BMPER: variants seen among roughly 807,000 people sequenced by gnomAD.
BMPER encodes the protein BMP-binding endothelial regulator protein.
In BMPER, 45 loss-of-function variants were observed where a neutral mutation model predicts 87.3. The ratio of observed to expected loss-of-function variants is 0.52; its 90% CI spans 0.41 to 0.66. The LOEUF (loss-of-function observed/expected upper bound fraction) is 0.66. BMPER is among the 30% of genes least tolerant of loss of function. BMPER has a pLI of 0.00. For synonymous variants in BMPER, 326 were observed against 316.2 expected (o/e 1.03, Z -0.33); for missense variants, 784 against 867.5 (o/e 0.90, Z 1.21).
chr7:34,100,513 C>T (rs923824281), intron 13 of BMPER, among the ~76,000 whole-genome samples: 2 of 152,210 alleles, frequency 1.3e-5, no homozygotes, highest in South Asian at 2.1e-4. Context: ...GCTGCCTGTG[C>T]ACCCATCCCA....
intron 14 of BMPER, among the ~76,000 whole-genome samples, chr7:34,144,466 A>G (rs73690173): frequency 0.097 from 14,493 of 149,916 alleles, 1,887 homozygotes; most frequent in African/African-American, 0.31. Flanking sequence ...AATAAATTGG[A>G]AGGGGACAAG....
intron 13 of BMPER, among the ~76,000 whole-genome samples, chr7:34,098,302 C>T (rs1246359149): frequency 2.6e-5 from 4 of 152,120 alleles, no homozygotes; most frequent in African/African-American, 9.7e-5. Context: ...TGCCCAAATT[C>T]TCTCCCACCA....
At chr7:34,080,512 C>G (rs1788983971) in intron 12 of BMPER, among the ~76,000 whole-genome samples, 1 of 152,308 alleles carries the variant, frequency 6.6e-6, no homozygotes, top group East Asian at 1.9e-4. Context: ...GAGAGATCTA[C>G]TCATTCAAGT....
intron 13 of BMPER, among the ~76,000 whole-genome samples, chr7:34,135,605 C>T (rs780396683): frequency 6.6e-6 from 1 of 152,164 alleles, no homozygotes; most frequent in Non-Finnish European, 1.5e-5. Flanking sequence ...GGGAGGTTGA[C>T]CACATGACTA....
chr7:34,051,379 C>A (rs1408581788), intron 7 of BMPER, among the ~76,000 whole-genome samples: 1 of 152,192 alleles, frequency 6.6e-6, no homozygotes, highest in Non-Finnish European at 1.5e-5. Context: ...CCACCTCCCC[C>A]ACTGCCCATA....
intron 9 of BMPER, among the ~76,000 whole-genome samples, chr7:34,057,383 GC>G (rs1788313415): frequency 6.6e-6 from 1 of 152,150 alleles, no homozygotes; most frequent in Admixed American, 6.5e-5. Flanking sequence ...TTCTGTCTGA[GC>G]AAGGATCTAG....
At chr7:33,957,145 T>C (rs1423984690) in intron 3 of BMPER, among the ~76,000 whole-genome samples, 1 of 151,998 alleles carries the variant, frequency 6.6e-6, no homozygotes, top group Non-Finnish European at 1.5e-5. Context: ...CTGTGATGAA[T>C]AAATGTTCAT....
At chr7:34,019,189 T>G (rs367668904) in intron 6 of BMPER, among the ~76,000 whole-genome samples, 2 of 152,162 alleles carry the variant, frequency 1.3e-5, no homozygotes, top group South Asian at 2.1e-4. Flanking sequence ...TTGGAGAAAC[T>G]GAAAGAGAAC....
intron 13 of BMPER, among the ~76,000 whole-genome samples, chr7:34,086,608 G>C (rs1789217993): frequency 6.6e-6 from 1 of 152,174 alleles, no homozygotes; most frequent in Non-Finnish European, 1.5e-5. Flanking sequence ...GAATTATTTG[G>C]ATCTTGGCCA....
intron 6 of BMPER, among the ~76,000 whole-genome samples, chr7:34,016,841 G>C (rs955175014): frequency 2.6e-5 from 4 of 151,870 alleles, no homozygotes; most frequent in Admixed American, 6.6e-5. Flanking sequence ...ACCATTTATT[G>C]TTTAATACAC....
intron 12 of BMPER, among the ~76,000 whole-genome samples, chr7:34,082,479 A>T (rs190002843): frequency 2.1e-4 from 32 of 152,228 alleles, no homozygotes; most frequent in African/African-American, 7.2e-4. Flanking sequence ...TCCCTTCACA[A>T]TGCAAAGCCT....
At chr7:34,014,205 T>G (rs1716860504) in intron 6 of BMPER, among the ~76,000 whole-genome samples, 1 of 151,944 alleles carries the variant, frequency 6.6e-6, no homozygotes, top group Non-Finnish European at 1.5e-5. Context: ...TGTGGGTTGC[T>G]GTTTTCTTCC....
At chr7:34,103,606 G>GA (rs1293922920) in intron 13 of BMPER, among the ~76,000 whole-genome samples, 1 of 152,178 alleles carries the variant, frequency 6.6e-6, no homozygotes, top group Non-Finnish European at 1.5e-5. Context: ...CCTTGAGGCA[G>GA]AGGGGGAAGG....
intron 6 of BMPER, among the ~76,000 whole-genome samples, chr7:34,040,142 A>C (rs1787797342): frequency 1.3e-5 from 2 of 152,128 alleles, no homozygotes; most frequent in South Asian, 4.1e-4. Context: ...TGGCTGGAGT[A>C]GAATGTTGAG....
intron 6 of BMPER, among the ~76,000 whole-genome samples, chr7:33,991,258 G>C (rs1786208018): frequency 6.6e-6 from 1 of 151,350 alleles, no homozygotes; most frequent in South Asian, 2.1e-4. Flanking sequence ...GACTCTTTTT[G>C]GTTGGTAAGC....
At chr7:33,910,051 G>A (rs1392184429) in intron 2 of BMPER, among the ~76,000 whole-genome samples, 1 of 152,188 alleles carries the variant, frequency 6.6e-6, no homozygotes, top group Non-Finnish European at 1.5e-5. Flanking sequence ...TCGTTTTAAA[G>A]TATGTGGCCC....
chr7:33,961,035 A>G (rs1396415947), intron 3 of BMPER, among the ~76,000 whole-genome samples: 2 of 152,156 alleles, frequency 1.3e-5, no homozygotes, highest in East Asian at 3.9e-4. Flanking sequence ...AGTTTGGGTG[A>G]CCTAGGTTTC....
intron 13 of BMPER, among the ~76,000 whole-genome samples, chr7:34,119,356 C>A (rs965473359): frequency 1.6e-4 from 24 of 152,198 alleles, no homozygotes; most frequent in African/African-American, 5.8e-4. Context: ...TCATGGTACA[C>A]ATGTTATACA....
intron 13 of BMPER, among the ~76,000 whole-genome samples, chr7:34,103,822 AC>A (rs1195183628): frequency 2.0e-5 from 3 of 152,160 alleles, no homozygotes; most frequent in Admixed American, 1.3e-4. Flanking sequence ...AAAAAGGAAA[AC>A]AGAGAACCAG....
Sources: allele counts gnomAD v4.1 joint callset (sites outside exome capture counted in the v4.1 genomes callset), GRCh38; gene constraint gnomAD v4.1.1; transcripts MANE v1.5; gene names NCBI Gene and HGNC (gene_info 2026-07-23, HGNC 2026-07-21).